Variants in NELL1 observed in about 807,000 individuals in gnomAD.
The protein encoded by NELL1 is protein kinase C-binding protein NELL1.
NELL1 carries 76 observed loss-of-function variants against 107.4 expected under a neutral mutation model. The ratio of observed to expected loss-of-function variants is 0.71; its 90% CI spans 0.59 to 0.86. The LOEUF is 0.86. NELL1 is among the 40% of genes least tolerant of loss of function. The probability of loss-of-function intolerance (pLI) is 0.00; values close to 1 mark genes in which losing one functional copy is unlikely to be tolerated. For synonymous variants in NELL1, 353 were observed against 341.2 expected (o/e 1.03, Z -0.38); for missense variants, 1,024 against 1,005.5 (o/e 1.02, Z -0.25).
chr11:21,362,967 C>G (rs570987446), intron 14 of NELL1, among the ~76,000 whole-genome samples: 2 of 152,066 alleles, frequency 1.3e-5, no homozygotes, highest in South Asian at 4.2e-4. Context: ...TGGGGGATAG[C>G]GAGAGGTCTC....
intron 5 of NELL1, among the ~76,000 whole-genome samples, chr11:20,907,383 G>C (rs1213663424): frequency 6.6e-6 from 1 of 151,792 alleles, no homozygotes; most frequent in Admixed American, 6.6e-5. Context: ...TGAACAAAAT[G>C]ACAACCCAAC....
intron 2 of NELL1, among the ~76,000 whole-genome samples, chr11:20,684,472 C>T (rs539290979): frequency 1.3e-5 from 2 of 152,138 alleles, no homozygotes; most frequent in East Asian, 1.9e-4. Context: ...AAAAAATCTT[C>T]CATGTCTCTA....
chr11:21,540,210 A>G (rs1231382436), intron 16 of NELL1, among the ~76,000 whole-genome samples: 1 of 152,008 alleles, frequency 6.6e-6, no homozygotes, highest in Admixed American at 6.6e-5. Context: ...TTTTCCAGCT[A>G]TTTTGAAATA....
In NELL1 at chr11:20,878,358, C is replaced by CGAAAAA. The variant is rs1491158348; in HGVS notation, c.507-7086_507-7085insGAAAAA. Among the ~76,000 whole-genome samples the CGAAAAA allele has an allele frequency of 8.4e-5, 8 of 95,760 alleles. No individual in the cohort carries two copies. In the East Asian group the frequency reaches 2.7e-3, roughly 32 times the overall value. The allele number at this position is 95,760 out of a possible 152,430, so 62.8% of individuals were successfully genotyped here. A position where few individuals can be genotyped will look rare whatever the true frequency, so the allele number is the denominator to read the frequency against. On this transcript the variant is annotated intron_variant, in intron 4 of 19. Transcript: ENST00000357134. ...TGGGGGACAGAGAGAGACCCCGTCT[C>CGAAAAA]AAAAAAAAAAAAAAAAAAAAGATGC...
chr11:21,291,645 T>C, intron 14 of NELL1, among the ~76,000 whole-genome samples: 1 of 152,120 alleles, frequency 6.6e-6, no homozygotes, highest in Non-Finnish European at 1.5e-5. Flanking sequence ...CATGCCAGTA[T>C]TCCCTGATGA....
chr11:21,459,608 C>T lies in NELL1; in HGVS notation c.1646-74766C>T, dbSNP rs369742395. Among the ~76,000 whole-genome samples, 213 of 151,804 alleles carry T rather than the reference C, an allele frequency of 1.4e-3. 1 individual carries two copies. Among genetic ancestry groups the T allele is most frequent in the African/African-American group, 4.9e-3 (203 of 41,344 alleles). On this transcript the variant is annotated intron_variant, in intron 15 of 19. Transcript: ENST00000357134. ...AGGACTTTGATGTTATATATATGGTCAGATAGTAAGATGAGCTATCTAAAC... is the reference window on the plus strand; with the variant it reads ...AGGACTTTGATGTTATATATATGGTTAGATAGTAAGATGAGCTATCTAAAC...
chr11:21,008,117 TCTC>T (rs1852369485), intron 12 of NELL1, among the ~76,000 whole-genome samples: 1 of 152,150 alleles, frequency 6.6e-6, no homozygotes, highest in South Asian at 2.1e-4. Flanking sequence ...CTAGCTCTCA[TCTC>T]CTACAATAAT....
At chr11:21,184,511 C>G (rs142542786) in intron 13 of NELL1, among the ~76,000 whole-genome samples, 1,580 of 151,898 alleles carry the variant, frequency 0.01, 54 homozygotes, top group African/African-American at 0.036. Context: ...CCCAAGTGAT[C>G]CACCTGCCTT....
rs1368673260 is a variant in NELL1 at position 20,826,181 on chromosome 11, G to T, written c.336-21402G>T. ...TCTTTTATAAATTACCCAGTCTCGG[G>T]TACGTCTTTATTAGCAGCATGAGAA... is the stretch of plus-strand genomic sequence containing the variant. On this transcript the variant is annotated intron_variant, in intron 3 of 19. Transcript: ENST00000357134. 1.3e-5 allele frequency among the ~76,000 whole-genome samples: 2 copies of T among 151,154 alleles called. 1 individual carries two copies. Among genetic ancestry groups the T allele is most frequent in the Non-Finnish European group, 3.0e-5 (2 of 67,546 alleles).
chr11:21,058,712 C>T (rs1476036323), intron 12 of NELL1, among the ~76,000 whole-genome samples: 1 of 152,058 alleles, frequency 6.6e-6, no homozygotes, highest in Non-Finnish European at 1.5e-5. Context: ...ATATAATTAA[C>T]TGACATGTAG....
chr11:21,269,591 A>G (rs1848701465), intron 14 of NELL1, among the ~76,000 whole-genome samples: 1 of 152,112 alleles, frequency 6.6e-6, no homozygotes, highest in African/African-American at 2.4e-5. Flanking sequence ...ACCCAGTGAA[A>G]TTATCCTTCA....
chr11:20,938,908 GTCTCTC>G (rs71443766), intron 10 of NELL1, among the ~76,000 whole-genome samples: 9,647 of 144,472 alleles, frequency 0.067, 416 homozygotes, highest in Middle Eastern at 0.099. Context: ...TTCTCTCTCT[GTCTCTC>G]TCTCTCTCTC....
At chr11:21,212,494 C>T (rs1258322083) in intron 13 of NELL1, among the ~76,000 whole-genome samples, 3 of 152,282 alleles carry the variant, frequency 2.0e-5, no homozygotes, top group South Asian at 2.1e-4. Context: ...CATAACCCTA[C>T]TCCAATCCTG....
At chr11:20,937,664 T>G in intron 9 of NELL1, 122 bp from the exon 10 acceptor site, 1 of 700,400 alleles carries the variant, frequency 1.4e-6, no homozygotes, top group Non-Finnish European at 2.5e-6. Context: ...GACAAAGAGA[T>G]TTGTATTGCT....
chr11:21,527,684 T>G (rs1413453014), intron 15 of NELL1, among the ~76,000 whole-genome samples: 1 of 152,206 alleles, frequency 6.6e-6, no homozygotes, highest in Non-Finnish European at 1.5e-5. Context: ...GTAGGGAATT[T>G]GATAGTGCAG....
chr11:21,569,152 C>A (rs948414839), intron 17 of NELL1, among the ~76,000 whole-genome samples: 5 of 151,532 alleles, frequency 3.3e-5, no homozygotes, highest in Admixed American at 1.3e-4. Context: ...TATATAAGAC[C>A]ACCTTTTGTA....
At chr11:20,713,921 C>T (rs2133899389) in intron 2 of NELL1, among the ~76,000 whole-genome samples, 1 of 152,218 alleles carries the variant, frequency 6.6e-6, no homozygotes, top group African/African-American at 2.4e-5. Context: ...AAATCTTTCT[C>T]CTGAGATCTG....
chr11:21,097,694 G>C (rs1157888952), intron 12 of NELL1, among the ~76,000 whole-genome samples: 2 of 152,148 alleles, frequency 1.3e-5, no homozygotes, highest in South Asian at 4.1e-4. Flanking sequence ...GAATAAGAAA[G>C]TTGAGTTTGA....
At position 20,889,249 on chromosome 11, in the gene NELL1, A is replaced by C. The variant is rs187296261; in HGVS notation, c.603+3709A>C. 1.6e-3 allele frequency among the ~76,000 whole-genome samples: 237 copies of C among 152,372 alleles called. 3 individuals carry two copies. Among genetic ancestry groups the C allele is most frequent in the Non-Finnish European group, 1.0e-3 (68 of 68,036 alleles). On this transcript the variant is annotated intron_variant, in intron 5 of 19. Transcript: ENST00000357134. ...AAGATCTTAAAAATAGCCAGTGACA[A>C]AACACAAATTTTTCACAAAAGGATA...
Sources: allele counts gnomAD v4.1 joint callset (sites outside exome capture counted in the v4.1 genomes callset), GRCh38; gene constraint gnomAD v4.1.1; transcripts MANE v1.5; gene names NCBI Gene and HGNC (gene_info 2026-07-23, HGNC 2026-07-21).